The following RANBP2 variants were observed in gnomAD, a reference collection of about 807,000 sequenced individuals.
RANBP2 encodes E3 SUMO-protein ligase RanBP2.
A neutral mutation model predicts 303.6 loss-of-function variants in RANBP2; 57 were observed. That is an observed-to-expected ratio of 0.19 (90% CI 0.15 to 0.23). The LOEUF (loss-of-function observed/expected upper bound fraction) is 0.23. RANBP2 is among the 10% of genes least tolerant of loss of function. RANBP2 has a pLI of 1.00. For synonymous variants in RANBP2, 1,167 were observed against 1,301.5 expected, an observed-to-expected ratio of 0.90 and a Z score of 2.23; for missense variants, 3,138 against 3,780.8, an observed-to-expected ratio of 0.83 and a Z score of 4.46.
At chr2:109,570,665 G>A in the RANBP2 span, among the ~76,000 whole-genome samples, 1 of 151,438 alleles carries the variant, frequency 6.6e-6, no homozygotes, top group Non-Finnish European at 1.5e-5. Context: ...GGGATTACAG[G>A]TGCCTGCCAC....
At chr2:109,510,131 G>A in the RANBP2 span, among the ~76,000 whole-genome samples, 13 of 152,190 alleles carry the variant, frequency 8.5e-5, no homozygotes, top group Admixed American at 3.3e-4. Flanking sequence ...ACCCCAACCC[G>A]AGGCTGGGGA....
the RANBP2 span, among the ~76,000 whole-genome samples, chr2:109,257,072 C>T: frequency 2.6e-5 from 4 of 152,096 alleles, no homozygotes; most frequent in African/African-American, 4.8e-5. Flanking sequence ...GTAGGGGCAC[C>T]GTGTATTTCA....
chr2:109,066,679 C>T, the RANBP2 span, among the ~76,000 whole-genome samples: 1 of 152,202 alleles, frequency 6.6e-6, no homozygotes, highest in Non-Finnish European at 1.5e-5. Context: ...CATTGTCACT[C>T]AGTCCCCTGG....
the RANBP2 span, among the ~76,000 whole-genome samples, chr2:109,262,627 T>C: frequency 6.6e-6 from 1 of 152,240 alleles, no homozygotes; most frequent in South Asian, 2.1e-4. Context: ...TCTACAACTT[T>C]TGTGATATTA....
At chr2:109,377,025 G>A in the RANBP2 span, among the ~76,000 whole-genome samples, 9 of 152,366 alleles carry the variant, frequency 5.9e-5, no homozygotes, top group South Asian at 6.2e-4. Context: ...ACAGAGAGCC[G>A]CTCAGAGTCC....
At chr2:109,653,394 C>CA in the RANBP2 span, among the ~76,000 whole-genome samples, 31,294 of 141,596 alleles carry the variant, frequency 0.22, 3,681 homozygotes, top group Middle Eastern at 0.29. Flanking sequence ...GATTTCGTCT[C>CA]AAAAAAAAAA....
the RANBP2 span, among the ~76,000 whole-genome samples, chr2:109,561,342 C>T: frequency 5.3e-3 from 809 of 152,192 alleles, 6 homozygotes; most frequent in African/African-American, 0.019. Flanking sequence ...TTTGGAACCC[C>T]CCCACCCACA....
the RANBP2 span, among the ~76,000 whole-genome samples, chr2:109,312,379 A>AT: frequency 2.0e-5 from 3 of 152,216 alleles, no homozygotes; most frequent in African/African-American, 7.2e-5. Flanking sequence ...TACTTATAAC[A>AT]TGAAAGTCAT....
the RANBP2 span, among the ~76,000 whole-genome samples, chr2:109,311,989 G>C: frequency 6.6e-6 from 1 of 151,880 alleles, no homozygotes; most frequent in South Asian, 2.1e-4. Context: ...TGGTGAGGTC[G>C]GCTGCTGCTG....
At chr2:109,419,975 C>T in the RANBP2 span, among the ~76,000 whole-genome samples, 2 of 152,116 alleles carry the variant, frequency 1.3e-5, no homozygotes, top group South Asian at 2.1e-4. Context: ...AGGGGAGAGG[C>T]GGGAGGGAAG....
At chr2:108,944,162 G>A in the RANBP2 span, among the ~76,000 whole-genome samples, 1 of 152,168 alleles carries the variant, frequency 6.6e-6, no homozygotes. Flanking sequence ...CAGCCAGGCT[G>A]GAGTGCAGTG....
rs774972402 is a variant in RANBP2 at position 108,751,299 on chromosome 2, C to T, written c.1309C>T (p.Leu437Phe). ...AGCACATAATGGTAGTCTTCAGCAC[C>T]TTACTTGGCTTGGCTTACAGTGGAA... ...IRAHNGSLQHLTWLGLQWNSL... is the reference protein window; with the variant it reads ...IRAHNGSLQHFTWLGLQWNSL... The change falls in exon 10 of 29, where the codon CTT becomes TTT. Residue 437 changes from leucine to phenylalanine, a missense_variant. Physicochemically the swap from Leu to Phe is conservative, Grantham distance 22. Transcript: ENST00000283195. The T allele has an allele frequency of 6.2e-6, 10 of 1,611,766 alleles. No individual in the cohort carries two copies. The African/African-American group carries it at 1.3e-4, about 22-fold the overall frequency.
At chr2:109,144,965 A>C in the RANBP2 span, among the ~76,000 whole-genome samples, 1 of 152,214 alleles carries the variant, frequency 6.6e-6, no homozygotes. Context: ...ATCTCAGGGC[A>C]GCGGGCTCAC....
the RANBP2 span, chr2:109,617,999 A>ATC: frequency 6.2e-6 from 1 of 162,212 alleles, no homozygotes; most frequent in Non-Finnish European, 1.5e-5. Context: ...CAGCCTGGGC[A>ATC]ACGGAGACTC....
chr2:109,028,194 C>T, the RANBP2 span, among the ~76,000 whole-genome samples: 1 of 152,146 alleles, frequency 6.6e-6, no homozygotes, highest in Admixed American at 6.5e-5. Context: ...TCACCTGAAC[C>T]CAGGACGTTG....
At chr2:108,808,481 A>C in the RANBP2 span, among the ~76,000 whole-genome samples, 1 of 152,118 alleles carries the variant, frequency 6.6e-6, no homozygotes, top group Non-Finnish European at 1.5e-5. Context: ...CCCCACCAAC[A>C]ATGTAAAAGA....
At chr2:109,375,024 C>T in the RANBP2 span, among the ~76,000 whole-genome samples, 1 of 152,234 alleles carries the variant, frequency 6.6e-6, no homozygotes, top group Non-Finnish European at 1.5e-5. Flanking sequence ...CCTTGCACTG[C>T]TTCAGCTGCT....
the RANBP2 span, chr2:109,141,355 C>G: frequency 6.6e-6 from 1 of 152,624 alleles, no homozygotes; most frequent in Non-Finnish European, 1.5e-5. Flanking sequence ...GCCTGGGTCC[C>G]TCTTCCTCCA....
At chr2:108,973,590 T>C in the RANBP2 span, among the ~76,000 whole-genome samples, 1 of 152,108 alleles carries the variant, frequency 6.6e-6, no homozygotes, top group African/African-American at 2.4e-5. Flanking sequence ...CAATGACTTC[T>C]TCCCTCATCT....
Sources: allele counts gnomAD v4.1 joint callset (sites outside exome capture counted in the v4.1 genomes callset), GRCh38; gene constraint gnomAD v4.1.1; transcripts MANE v1.5; gene names NCBI Gene and HGNC (gene_info 2026-07-23, HGNC 2026-07-21).